SYT6: variants seen among roughly 807,000 people sequenced by gnomAD.
The protein encoded by SYT6 is synaptotagmin 6.
A neutral mutation model predicts 38.4 loss-of-function variants in SYT6; 24 were observed. The ratio of observed to expected loss-of-function variants is 0.62; its 90% CI spans 0.45 to 0.88. The LOEUF is 0.88. Among genes scored for constraint, SYT6 ranks in the 40% least tolerant of loss-of-function variants. SYT6 has a pLI of 0.00. For missense variants in SYT6, 611 were observed against 621.0 expected (o/e 0.98, Z 0.17); for synonymous variants, 265 against 241.9 (o/e 1.10, Z -0.89).
Position 114,139,506 on chromosome 1 carries a change from A to C in SYT6, c.512+109T>G, listed in dbSNP as rs1571891649. The C allele has an allele frequency of 5.4e-6, 8 of 1,469,200 alleles. No individual in the cohort carries two copies. The East Asian group carries it at 1.9e-4, about 36-fold the overall frequency. 91.0% of individuals were successfully genotyped at this position (1,469,200 alleles called of 1,614,324 possible). Reference sequence around the variant, plus strand: ...ATCTGACATATTTGTCAATCAAAGGATATGTGTTATTATTTCTGGTCTGTG... The same window carrying C: ...ATCTGACATATTTGTCAATCAAAGGCTATGTGTTATTATTTCTGGTCTGTG... On this transcript the variant is annotated intron_variant, in intron 2 of 7. Coordinates refer to ENST00000610222, the MANE Select transcript of SYT6 (RefSeq NM_001253772.2).
At chr1:114,103,764 CCATGGGCCTCATGTCCAGTG>C (rs1252257698) in intron 3 of SYT6, 43 bp from the exon 4 acceptor site, 12 of 1,595,868 alleles carry the variant, frequency 7.5e-6, no homozygotes, top group Middle Eastern at 1.8e-4. Flanking sequence ...GGCTTGCAGA[CCATGGGCCTCATGTCCAGTG>C]CAGTATCTGC....
intron 2 of SYT6, among the ~76,000 whole-genome samples, chr1:114,139,015 G>T (rs550427451): frequency 6.6e-6 from 1 of 152,164 alleles, no homozygotes; most frequent in Non-Finnish European, 1.5e-5. Context: ...AATGCCTTAC[G>T]CATGCTTGCA....
At chr1:114,099,073 C>A in intron 5 of SYT6, 21 bp downstream of exon 5, 1 of 1,595,260 alleles carries the variant, frequency 6.3e-7, no homozygotes, top group Non-Finnish European at 8.6e-7. Context: ...AGAATTACGT[C>A]CCTCTAGGAC....
intron 3 of SYT6, among the ~76,000 whole-genome samples, chr1:114,110,214 T>C (rs1462746882): frequency 1.3e-5 from 2 of 152,206 alleles, no homozygotes; most frequent in African/African-American, 4.8e-5. Flanking sequence ...ACCATTTTCA[T>C]GTGTGTCATT....
At chr1:114,138,151 C>T in intron 2 of SYT6, 98 bp from the exon 3 acceptor site, 1 of 1,207,154 alleles carries the variant, frequency 8.3e-7, no homozygotes, top group South Asian at 1.6e-5. Flanking sequence ...CTCATCTTAT[C>T]CCTTGTTGAG....
intron 3 of SYT6, among the ~76,000 whole-genome samples, chr1:114,112,884 G>T (rs1018661454): frequency 6.6e-6 from 1 of 152,226 alleles, no homozygotes; most frequent in African/African-American, 2.4e-5. Context: ...TGAGAGATCT[G>T]CTCTCTGCCC....
intron 1 of SYT6, among the ~76,000 whole-genome samples, chr1:114,141,956 C>T (rs1431416402): frequency 1.3e-5 from 2 of 152,208 alleles, no homozygotes; most frequent in African/African-American, 4.8e-5. Context: ...ACTTACTGCT[C>T]AGAAGAAATG....
intron 3 of SYT6, among the ~76,000 whole-genome samples, chr1:114,128,325 G>A (rs1677866130): frequency 6.6e-6 from 1 of 152,162 alleles, no homozygotes; most frequent in Admixed American, 6.5e-5. Context: ...GAGCCTTTCT[G>A]CAAATTTCTG....
intron 3 of SYT6, among the ~76,000 whole-genome samples, chr1:114,133,779 G>A (rs1275807097): frequency 6.6e-6 from 1 of 152,238 alleles, no homozygotes; most frequent in Non-Finnish European, 1.5e-5. Context: ...GTTAGCTGCT[G>A]TGCTGCCCAG....
chr1:114,135,954 C>T lies in SYT6; in HGVS notation c.1071+1541G>A, dbSNP rs560102814. 9.9e-5 allele frequency among the ~76,000 whole-genome samples: 15 copies of T among 152,254 alleles called. No homozygotes were observed. The South Asian group carries it at 2.3e-3, about 23-fold the overall frequency. On this transcript the variant is annotated intron_variant, in intron 3 of 7. Transcript: ENST00000610222. ...CTTCAGAGTGATTTATGGAGTGGAG[C>T]GCTCGGGCCTGGGGCTGCCACAGAG...
At chr1:114,106,098 T>G (rs80253558) in intron 3 of SYT6, among the ~76,000 whole-genome samples, 31,536 of 152,150 alleles carry the variant, frequency 0.21, 3,750 homozygotes, top group Non-Finnish European at 0.28. Flanking sequence ...CTGGCATGGG[T>G]CCTGCGGCAG....
In SYT6 at chr1:114,153,688, G is replaced by T; in HGVS notation, c.85C>A (p.Pro29Thr). ...CAAGTCTCCACGTCCAGCCCGAGAG[G>T]GGGCGGCCGGGCCCGGCACAGCGAG... The part of the protein sequence containing the change: ...LASLCRARPP[P>T]LGLDVETCRS... The change falls in exon 1 of 8, where the codon CCT becomes ACT. Residue 29 changes from proline (P) to threonine (T), a missense_variant. Physicochemically the swap from Pro to Thr is conservative, Grantham distance 38. Coordinates refer to ENST00000610222, the MANE Select transcript of SYT6 (RefSeq NM_001253772.2). 1.5e-6 allele frequency: 1 copy of T among 674,504 alleles called. No homozygotes were observed. Among genetic ancestry groups the T allele is most frequent in the Non-Finnish European group, 2.7e-6 (1 of 370,174 alleles). 41.8% of individuals were successfully genotyped at this position (674,504 alleles called of 1,614,324 possible).
intron 4 of SYT6, among the ~76,000 whole-genome samples, chr1:114,100,809 C>T (rs898517821): frequency 6.6e-6 from 1 of 152,190 alleles, no homozygotes; most frequent in Non-Finnish European, 1.5e-5. Context: ...AGCCCCAATA[C>T]CTGTCTTTAA....
intron 6 of SYT6, among the ~76,000 whole-genome samples, chr1:114,095,876 G>A (rs184718791): frequency 1.2e-4 from 19 of 152,150 alleles, no homozygotes; most frequent in Non-Finnish European, 2.5e-4. Flanking sequence ...TAGCCAGGAC[G>A]GTCTCAATCT....
At chr1:114,146,470 T>C (rs1679160749) in intron 1 of SYT6, among the ~76,000 whole-genome samples, 1 of 152,130 alleles carries the variant, frequency 6.6e-6, no homozygotes, top group Non-Finnish European at 1.5e-5. Flanking sequence ...GGTGCACAAA[T>C]AGCCTTCAAA....
intron 1 of SYT6, among the ~76,000 whole-genome samples, chr1:114,151,954 C>T (rs539921318): frequency 6.6e-6 from 1 of 152,290 alleles, no homozygotes; most frequent in Admixed American, 6.5e-5. Context: ...GTCCCTTCTG[C>T]TGCAGTGATC....
intron 1 of SYT6, among the ~76,000 whole-genome samples, chr1:114,142,994 C>T (rs1455324052): frequency 2.0e-5 from 3 of 151,712 alleles, no homozygotes; most frequent in Non-Finnish European, 4.4e-5. Flanking sequence ...GCTTTAGCTG[C>T]CATGGATAGT....
intron 3 of SYT6, among the ~76,000 whole-genome samples, chr1:114,119,767 CTT>C (rs1417819726): frequency 4.6e-5 from 7 of 152,144 alleles, no homozygotes; most frequent in Non-Finnish European, 1.0e-4. Flanking sequence ...CTCTCAGTAA[CTT>C]GTTTTCAAAA....
chr1:114,107,805 C>T (rs1408284925), intron 3 of SYT6, among the ~76,000 whole-genome samples: 1 of 152,208 alleles, frequency 6.6e-6, no homozygotes, highest in African/African-American at 2.4e-5. Flanking sequence ...TCCCACATGG[C>T]TTACCAGCCT....
Sources: gnomAD v4.1 joint callset for allele counts (sites outside exome capture counted in the v4.1 genomes callset) on GRCh38, gnomAD v4.1.1 for gene constraint, MANE v1.5 for transcripts, NCBI Gene and HGNC (gene_info 2026-07-23, HGNC 2026-07-21) for gene names.